The following SMG7 variants were observed in gnomAD, a reference collection of about 807,000 sequenced individuals.
SMG7 encodes the protein SMG7 nonsense mediated mRNA decay factor.
A neutral mutation model predicts 148.2 loss-of-function variants in SMG7; 34 were observed. The ratio of observed to expected loss-of-function variants is 0.23; its 90% CI spans 0.17 to 0.31. The LOEUF (loss-of-function observed/expected upper bound fraction) is 0.31, where lower values mean the gene tolerates loss of function less well. Among genes scored for constraint, SMG7 ranks in the 10% least tolerant of loss-of-function variants. The pLI is 1.00. For missense variants in SMG7, 1,114 were observed against 1,408.4 expected (o/e 0.79, Z 3.35); for synonymous variants, 492 against 515.1 (o/e 0.96, Z 0.61).
rs1407322811 is a variant in SMG7 at position 183,537,038 on chromosome 1, GA to G, written c.1164-102del. On this transcript the variant is annotated intron_variant, in intron 10 of 22. Coordinates refer to ENST00000688051, the MANE Select transcript of SMG7 (RefSeq NM_001375584.1). ...CAGCCTTTGAAATGCTGAAATAAGGGAAAAATACATAAAGTCCAGGACCTAT... is the reference window on the plus strand; with the variant it reads ...CAGCCTTTGAAATGCTGAAATAAGGGAAAATACATAAAGTCCAGGACCTAT... 1.7e-5 allele frequency: 12 copies of G among 726,418 alleles called. No homozygotes were observed. The East Asian group carries it at 2.8e-4, about 17-fold the overall frequency. 45.0% of individuals were successfully genotyped at this position (726,418 alleles called of 1,614,324 possible).
chr1:183,495,176 T>G (rs761055994), intron 1 of SMG7, among the ~76,000 whole-genome samples: 20 of 152,028 alleles, frequency 1.3e-4, no homozygotes, highest in Admixed American at 1.2e-3. Flanking sequence ...TTTCTCTCCT[T>G]TTATCATTGT....
At chr1:183,501,875 A>G (rs1659809208) in intron 1 of SMG7, among the ~76,000 whole-genome samples, 1 of 152,156 alleles carries the variant, frequency 6.6e-6, no homozygotes, top group African/African-American at 2.4e-5. Context: ...TTTTTACATA[A>G]TTGTTTTGTT....
chr1:183,497,731 G>T (rs1224856009), intron 1 of SMG7, among the ~76,000 whole-genome samples: 1 of 151,834 alleles, frequency 6.6e-6, no homozygotes, highest in Non-Finnish European at 1.5e-5. Context: ...CACCGTGCCC[G>T]GCTAATTTTT....
chr1:183,523,825 A>G (rs1665274529), intron 4 of SMG7, among the ~76,000 whole-genome samples: 1 of 151,956 alleles, frequency 6.6e-6, no homozygotes, highest in African/African-American at 2.4e-5. Flanking sequence ...TGTTTTTGCT[A>G]GATGTGCAGC....
At chr1:183,545,772 A>G (rs1487181967) in intron 16 of SMG7, among the ~76,000 whole-genome samples, 194 bp from the exon 17 acceptor site, 1 of 152,234 alleles carries the variant, frequency 6.6e-6, no homozygotes, top group African/African-American at 2.4e-5. Flanking sequence ...AAAAGAAAAT[A>G]TGAGTGTGGT....
At chr1:183,480,037 AGTG>A (rs1653674734) in intron 1 of SMG7, among the ~76,000 whole-genome samples, 1 of 152,168 alleles carries the variant, frequency 6.6e-6, no homozygotes, top group Non-Finnish European at 1.5e-5. Flanking sequence ...TGGACAGAGA[AGTG>A]GTGATGTGGA....
intron 1 of SMG7, among the ~76,000 whole-genome samples, chr1:183,506,609 G>A (rs1660943679): frequency 6.7e-6 from 1 of 150,076 alleles, no homozygotes; most frequent in Admixed American, 6.6e-5. Flanking sequence ...AGAACTCTAT[G>A]AAACAAGTGA....
chr1:183,541,152 A>G (rs2102723204), intron 13 of SMG7, 49 bp downstream of exon 13: 1 of 1,585,532 alleles, frequency 6.3e-7, no homozygotes, highest in Non-Finnish European at 8.6e-7. Context: ...CTTTTTAGAT[A>G]AACACATGCG....
intron 22 of SMG7, 40 bp downstream of exon 22, chr1:183,551,230 A>G: frequency 6.5e-7 from 1 of 1,531,818 alleles, no homozygotes; most frequent in Non-Finnish European, 8.7e-7. Context: ...AGATTATTAC[A>G]GCAAAGGTGT....
rs778707835 is a variant in SMG7 at position 183,550,739 on chromosome 1, A to G, written c.3134-12A>G. ...ATGATTTACTATATCCTGTGTTGCT[A>G]TTATTTAATAGATCATTCAACACCA... On this transcript the variant is annotated splice_polypyrimidine_tract_variant and intron_variant, in intron 20 of 22. Transcript: ENST00000688051. 1.1e-5 allele frequency: 17 copies of G among 1,613,100 alleles called. No homozygotes were observed. In the East Asian group the frequency reaches 3.3e-4, roughly 32 times the overall value.
In SMG7 at chr1:183,552,135, T is replaced by G; in HGVS notation, c.*204T>G. Reference sequence around the variant, plus strand: ...AGAAAAATCCATCAGGAACTCTCCGTCCCCCCGGGGCCCTCCGGAGGGAGA... The same window carrying G: ...AGAAAAATCCATCAGGAACTCTCCGGCCCCCCGGGGCCCTCCGGAGGGAGA... On this transcript the variant is annotated 3_prime_UTR_variant, in exon 23 of 23. Coordinates refer to ENST00000688051, the MANE Select transcript of SMG7 (RefSeq NM_001375584.1). 8.0e-7 allele frequency: 1 copy of G among 1,257,696 alleles called. No individual in the cohort carries two copies. Among genetic ancestry groups the G allele is most frequent in the Non-Finnish European group, 1.0e-6 (1 of 991,050 alleles). The allele number at this position is 1,257,696 out of a possible 1,614,324, so 77.9% of individuals were successfully genotyped here.
At chr1:183,506,965 G>A (rs1661064101) in intron 1 of SMG7, among the ~76,000 whole-genome samples, 3 of 141,294 alleles carry the variant, frequency 2.1e-5, no homozygotes, top group Admixed American at 1.6e-4. Context: ...TGCAACCTAC[G>A]CCCCCCAGGT....
At chr1:183,497,715 G>A (rs1401616990) in intron 1 of SMG7, among the ~76,000 whole-genome samples, 2 of 151,902 alleles carry the variant, frequency 1.3e-5, no homozygotes, top group African/African-American at 2.4e-5. Context: ...GATTATAGGC[G>A]CCCGCCACCG....
At chr1:183,549,965 ACACT>A (rs762127143) in intron 20 of SMG7, 42 bp downstream of exon 20, 13 of 1,408,432 alleles carry the variant, frequency 9.2e-6, no homozygotes, top group Non-Finnish European at 1.3e-5. Context: ...CATTTCCTGT[ACACT>A]CAGATTGATT....
intron 1 of SMG7, among the ~76,000 whole-genome samples, chr1:183,503,509 T>G (rs1292515671): frequency 6.6e-6 from 1 of 152,242 alleles, no homozygotes; most frequent in East Asian, 1.9e-4. Context: ...GAACATAGTC[T>G]TCATGACATC....
At chr1:183,493,527 C>T (rs866608042) in intron 1 of SMG7, among the ~76,000 whole-genome samples, 1 of 152,088 alleles carries the variant, frequency 6.6e-6, no homozygotes, top group Non-Finnish European at 1.5e-5. Flanking sequence ...CTCTAAATGC[C>T]AGTGGGATCT....
At position 183,553,809 on chromosome 1, in the gene SMG7, T is replaced by G. The variant is rs1050646542; in HGVS notation, c.*1878T>G. Reference sequence around the variant, plus strand: ...TTTTTCCTACTACCTTTACCCAGTTTGTGTGTTTGAGCTCTGCATTCAGGC... The same window carrying G: ...TTTTTCCTACTACCTTTACCCAGTTGGTGTGTTTGAGCTCTGCATTCAGGC... On this transcript the variant is annotated 3_prime_UTR_variant, in exon 23 of 23. Transcript: ENST00000688051. 6.5e-6 allele frequency: 1 copy of G among 152,842 alleles called. No homozygotes were observed. Among genetic ancestry groups the G allele is most frequent in the Admixed American group, 6.5e-5 (1 of 15,306 alleles). 9.5% of individuals were successfully genotyped at this position (152,842 alleles called of 1,614,324 possible).
At chr1:183,506,853 C>T (rs1360314547) in intron 1 of SMG7, among the ~76,000 whole-genome samples, 1 of 149,844 alleles carries the variant, frequency 6.7e-6, no homozygotes, top group African/African-American at 2.4e-5. Context: ...ATTTTTAAAC[C>T]ATGAATCTTA....
At chr1:183,512,893 C>T (rs778587997) in intron 2 of SMG7, 25 bp downstream of exon 2, 156 of 1,494,468 alleles carry the variant, frequency 1.0e-4, no homozygotes, top group South Asian at 9.1e-4. Context: ...ATTTCTTTTT[C>T]ACAACATATT....
Sources: gnomAD v4.1 joint callset for allele counts (sites outside exome capture counted in the v4.1 genomes callset) on GRCh38, gnomAD v4.1.1 for gene constraint, MANE v1.5 for transcripts, NCBI Gene and HGNC (gene_info 2026-07-23, HGNC 2026-07-21) for gene names.